The following ZNF701 variants were observed in gnomAD, a reference collection of about 807,000 sequenced individuals.
The protein encoded by ZNF701 is zinc finger protein 701.
In ZNF701, 6 loss-of-function variants were observed where a neutral mutation model predicts 7.1. The observed-to-expected ratio is 0.84, with a 90% CI of 0.46 to 1.66. ZNF701 has a LOEUF of 1.66. Among genes scored for constraint, ZNF701 ranks in the 40% most tolerant of loss-of-function variants. The pLI is 0.01. For synonymous variants in ZNF701, 166 were observed against 188.2 expected (o/e 0.88, Z 0.97); for missense variants, 541 against 559.2 (o/e 0.97, Z 0.33).
chr19:52,594,582 C>A, the ZNF701 span, among the ~76,000 whole-genome samples: 3 of 151,548 alleles, frequency 2.0e-5, no homozygotes, highest in Non-Finnish European at 4.4e-5. Flanking sequence ...GGTGCGATCT[C>A]GGCTCACTGC....
At position 52,583,836 on chromosome 19, in the gene ZNF701, G is replaced by A; in HGVS notation, c.*379G>A. ...AGTCTTCAGTAATATTACAGCCATT[G>A]CAAAACATTGGAGAATCCATAATGA... is the stretch of plus-strand genomic sequence containing the variant. On this transcript the variant is annotated 3_prime_UTR_variant, in exon 4 of 4. Coordinates refer to ENST00000391785, the MANE Select transcript of ZNF701 (RefSeq NM_018260.3). 1.9e-6 allele frequency: 1 copy of A among 539,236 alleles called. No individual in the cohort carries two copies. The highest frequency in any genetic ancestry group is 3.5e-6 in the Non-Finnish European group (1 of 282,890). The allele number at this position is 539,236 out of a possible 1,614,324, so 33.4% of individuals were successfully genotyped here. A position where few individuals can be genotyped will look rare whatever the true frequency, so the allele number is the denominator to read the frequency against.
At chr19:52,577,606 AG>A (rs1381328550) in intron 3 of ZNF701, among the ~76,000 whole-genome samples, 19 of 152,022 alleles carry the variant, frequency 1.2e-4, no homozygotes, top group African/African-American at 4.6e-4. Flanking sequence ...GTGACCTAGA[AG>A]GCAAGAGGTG....
At chr19:52,573,476 A>T (rs544874616) in intron 1 of ZNF701, among the ~76,000 whole-genome samples, 13 of 152,174 alleles carry the variant, frequency 8.5e-5, no homozygotes, top group African/African-American at 2.9e-4. Context: ...AACTTGAGTA[A>T]TCCTCCCACC....
rs369265299 is a variant in ZNF701 at position 52,577,845 on chromosome 19, T to G, written c.142+1824T>G. ...TAAACCCCTCCCTGTGGTGCTGTGC[T>G]TCAATGGTCATGCTCCTTGTCTACT... On this transcript the variant is annotated intron_variant, in intron 3 of 3. Coordinates refer to ENST00000391785, the MANE Select transcript of ZNF701 (RefSeq NM_018260.3). Among the ~76,000 whole-genome samples, 17 of 152,266 alleles carry G rather than the reference T, an allele frequency of 1.1e-4. No homozygotes were observed. The East Asian group carries it at 3.3e-3, about 29-fold the overall frequency.
chr19:52,575,215 C>T (rs919073766), intron 2 of ZNF701, among the ~76,000 whole-genome samples: 6 of 152,108 alleles, frequency 3.9e-5, no homozygotes, highest in East Asian at 3.9e-4. Flanking sequence ...GTGATCCACC[C>T]GCCTCAGCCC....
chr19:52,589,444 T>A (rs540488493), downstream of ZNF701, among the ~76,000 whole-genome samples: 20 of 152,122 alleles, frequency 1.3e-4, no homozygotes, highest in African/African-American at 4.3e-4. Context: ...TGCATTTTTT[T>A]AGGATAAAAC....
At chr19:52,588,557 T>C (rs916442863), downstream of ZNF701, 1 of 388,316 alleles carries the variant, frequency 2.6e-6, no homozygotes, top group Admixed American at 3.2e-5. Flanking sequence ...ACTCATGCTA[T>C]GTAAGGAAGC....
At chr19:52,575,216 G>A (rs1347537946) in intron 2 of ZNF701, among the ~76,000 whole-genome samples, 5 of 152,054 alleles carry the variant, frequency 3.3e-5, no homozygotes, top group African/African-American at 9.7e-5. Context: ...TGATCCACCC[G>A]CCTCAGCCCC....
the ZNF701 span, chr19:52,592,234 GA>G: frequency 1.9e-6 from 3 of 1,573,678 alleles, no homozygotes; most frequent in Non-Finnish European, 1.7e-6. Context: ...TGTGGGTGAG[GA>G]AAATATCCCT....
At chr19:52,589,460 C>T (rs1173334428), downstream of ZNF701, among the ~76,000 whole-genome samples, 6 of 147,204 alleles carry the variant, frequency 4.1e-5, no homozygotes, top group Non-Finnish European at 9.0e-5. Flanking sequence ...AAAACAGAAA[C>T]GTTCTTTCAC....
At chr19:52,597,209 T>A in the ZNF701 span, 1 of 559,444 alleles carries the variant, frequency 1.8e-6, no homozygotes, top group Non-Finnish European at 3.6e-6. Context: ...TCAGTCAAGC[T>A]TCATCCTATG....
At chr19:52,595,955 G>T in the ZNF701 span, 3 of 1,611,652 alleles carry the variant, frequency 1.9e-6, no homozygotes, top group Non-Finnish European at 2.5e-6. Flanking sequence ...AGGGAAAATT[G>T]GTAATCAAGT....
the ZNF701 span, chr19:52,596,015 T>C: frequency 5.1e-6 from 8 of 1,560,346 alleles, no homozygotes; most frequent in Non-Finnish European, 7.1e-6. Context: ...CCAAATAATT[T>C]GTAGGCTCAA....
At position 52,582,456 on chromosome 19, in the gene ZNF701, A is replaced by T; in HGVS notation, c.397A>T (p.Asn133Tyr). Reference sequence around the variant, plus strand: ...GCGACATGATCAAAGGCATGCTGGAAACAAACCTATTAAAAATGAGCTTGG... The same window carrying T: ...GCGACATGATCAAAGGCATGCTGGATACAAACCTATTAAAAATGAGCTTGG... ...TERHDQRHAG[N>Y]KPIKNELGSS... Residue 133 changes from asparagine (N) to tyrosine (Y), a missense_variant, in exon 4 of 4, where the codon AAC becomes TAC. Coordinates refer to ENST00000391785, the MANE Select transcript of ZNF701 (RefSeq NM_018260.3). 6.2e-7 allele frequency: 1 copy of T among 1,614,232 alleles called. No homozygotes were observed. Among genetic ancestry groups the T allele is most frequent in the Non-Finnish European group, 8.5e-7 (1 of 1,180,030 alleles).
chr19:52,587,512 CT>C (rs111820666), downstream of ZNF701, among the ~76,000 whole-genome samples: 1,558 of 152,306 alleles, frequency 0.01, 26 homozygotes, highest in African/African-American at 0.035. Flanking sequence ...TCTGATATTA[CT>C]TTCTCTATGG....
rs2059993176 is a variant in ZNF701, at chr19:52,583,937, TATAC to T, written c.*482_*485del. ...ATAACTTGCAGTTCATTGGCGATCT[TATAC>T]AGGAGAGAAATCTTACAAATGTGAT... On this transcript the variant is annotated 3_prime_UTR_variant, in exon 4 of 4. Coordinates refer to ENST00000391785, the MANE Select transcript of ZNF701 (RefSeq NM_018260.3). 1 of 399,676 alleles carries T rather than the reference TATAC, an allele frequency of 2.5e-6. No homozygotes were observed. The highest frequency in any genetic ancestry group is 5.0e-6 in the Non-Finnish European group (1 of 198,392). 24.8% of individuals were successfully genotyped at this position (399,676 alleles called of 1,614,324 possible).
rs1191140788 is a variant in ZNF701, at chr19:52,575,922, A to G, written c.43A>G (p.Ile15Val). 2 of 1,552,296 alleles carry G rather than the reference A, an allele frequency of 1.3e-6. No individual in the cohort carries two copies. Among genetic ancestry groups the G allele is most frequent in the Non-Finnish European group, 1.7e-6 (2 of 1,148,642 alleles). ...QGLLTFRDVA[I>V]EFSQEEWKCL... ...TCTACTGACATTCAGGGATGTGGCC[A>G]TAGAATTCTCTCAGGAGGAGTGGAA... The change falls in exon 3 of 4, where the codon ATA becomes GTA. Residue 15 changes from isoleucine (I) to valine (V), a missense_variant. By Grantham distance (29) the Ile-to-Val change is conservative. Transcript: ENST00000391785.
rs534404607 is a variant in ZNF701 at position 52,575,682 on chromosome 19, G to A, written c.16-213G>A. On this transcript the variant is annotated intron_variant, in intron 2 of 3. Coordinates refer to ENST00000391785, the MANE Select transcript of ZNF701 (RefSeq NM_018260.3). ...ACCCGGCTAATTATTTATTTCTAAC[G>A]TAAGCAATTCATACTGAGAGGGTAT... is the stretch of plus-strand genomic sequence containing the variant. The A allele has an allele frequency of 5.5e-5, 21 of 382,994 alleles. No homozygotes were observed. In the Admixed American group the frequency reaches 5.9e-4, roughly 11 times the overall value. The allele number at this position is 382,994 out of a possible 1,614,324, so 23.7% of individuals were successfully genotyped here.
At chr19:52,579,963 A>G (rs1350410992) in intron 3 of ZNF701, among the ~76,000 whole-genome samples, 1 of 142,764 alleles carries the variant, frequency 7.0e-6, no homozygotes, top group Non-Finnish European at 1.5e-5. Flanking sequence ...ATTTTTTTAG[A>G]TGGAGTCTCG....
Sources: gnomAD v4.1 joint callset for allele counts (sites outside exome capture counted in the v4.1 genomes callset) on GRCh38, gnomAD v4.1.1 for gene constraint, MANE v1.5 for transcripts, NCBI Gene and HGNC (gene_info 2026-07-23, HGNC 2026-07-21) for gene names.